PTPRD: variants seen among roughly 807,000 people sequenced by gnomAD.
The protein encoded by PTPRD is protein tyrosine phosphatase receptor type D, also known as receptor-type tyrosine-protein phosphatase delta.
Under a neutral mutation model 214.5 loss-of-function variants are expected in PTPRD, and 34 were observed. The ratio of observed to expected loss-of-function variants is 0.16; its 90% CI spans 0.12 to 0.21. PTPRD has a LOEUF of 0.21. Among genes scored for constraint, PTPRD ranks in the 10% least tolerant of loss-of-function variants. PTPRD has a pLI of 1.00. For missense variants in PTPRD, 2,545 were observed against 2,398.7 expected, an observed-to-expected ratio of 1.06 and a Z score of -1.27; for synonymous variants, 1,128 against 845.7, an observed-to-expected ratio of 1.33 and a Z score of -5.79.
chr9:10,451,646 G>C (rs1002803736), intron 2 of PTPRD, among the ~76,000 whole-genome samples: 1 of 151,492 alleles, frequency 6.6e-6, no homozygotes, highest in African/African-American at 2.4e-5. Flanking sequence ...ATCAGTGTGT[G>C]GCACAAAGCA....
At chr9:9,548,949 G>A (rs193055842) in intron 8 of PTPRD, among the ~76,000 whole-genome samples, 7 of 152,134 alleles carry the variant, frequency 4.6e-5, no homozygotes, top group Non-Finnish European at 7.4e-5. Flanking sequence ...CTCAGTAATT[G>A]ACAGGAAAAT....
rs535306212 is a variant in PTPRD at position 9,870,048 on chromosome 9, T to C, written c.-368+68459A>G. Among the ~76,000 whole-genome samples, 27 of 152,202 alleles carry C rather than the reference T, an allele frequency of 1.8e-4. 1 individual carries two copies. In the South Asian group the frequency reaches 5.4e-3, roughly 30 times the overall value. ...TGTTAGGGTAGGTCCTATTGAAGTATCTACAGGTACTTGATACATATATCT... is the reference window on the plus strand; with the variant it reads ...TGTTAGGGTAGGTCCTATTGAAGTACCTACAGGTACTTGATACATATATCT... On this transcript the variant is annotated intron_variant, in intron 5 of 45. Transcript: ENST00000381196.
intron 2 of PTPRD, among the ~76,000 whole-genome samples, chr9:10,379,682 A>G (rs1332767140): frequency 6.6e-6 from 1 of 152,068 alleles, no homozygotes; most frequent in East Asian, 1.9e-4. Flanking sequence ...CTTAAAAAGT[A>G]TAAGTAAAAA....
intron 2 of PTPRD, among the ~76,000 whole-genome samples, chr9:10,361,531 A>G (rs956596150): frequency 2.6e-5 from 4 of 152,176 alleles, no homozygotes; most frequent in African/African-American, 9.6e-5. Flanking sequence ...CCTGACCACA[A>G]GTAGCATGTA....
chr9:9,592,305 G>A (rs1409620), intron 7 of PTPRD, among the ~76,000 whole-genome samples: 7,582 of 151,854 alleles, frequency 0.05, 448 homozygotes, highest in African/African-American at 0.14. Context: ...AATCTATTGC[G>A]AAACAAATTC....
chr9:10,144,440 T>A (rs1207029710), intron 3 of PTPRD, among the ~76,000 whole-genome samples: 2 of 152,126 alleles, frequency 1.3e-5, no homozygotes, highest in Non-Finnish European at 2.9e-5. Context: ...TCTATTTCAG[T>A]ACCCAGGAAC....
intron 2 of PTPRD, among the ~76,000 whole-genome samples, chr9:10,596,015 C>A (rs925028757): frequency 6.6e-6 from 1 of 151,784 alleles, no homozygotes; most frequent in African/African-American, 2.4e-5. Context: ...CCTTTCAAAT[C>A]GTTTTTCTTC....
intron 39 of PTPRD, among the ~76,000 whole-genome samples, chr9:8,368,566 A>C (rs1168384058): frequency 6.6e-6 from 1 of 152,068 alleles, no homozygotes; most frequent in East Asian, 1.9e-4. Flanking sequence ...TTTTCAAATA[A>C]ATTCTGCATT....
chr9:9,224,242 T>A (rs567462987), intron 9 of PTPRD, among the ~76,000 whole-genome samples: 1 of 152,152 alleles, frequency 6.6e-6, no homozygotes, highest in South Asian at 2.1e-4. Context: ...TGACTCCTGC[T>A]TTAGTGAAGT....
chr9:9,495,933 T>TA lies in PTPRD; in HGVS notation c.-237+78798dup, dbSNP rs1589866495. 3.3e-5 allele frequency among the ~76,000 whole-genome samples: 5 copies of TA among 152,240 alleles called. No individual in the cohort carries two copies. The East Asian group carries it at 9.7e-4, about 30-fold the overall frequency. ...TAACACCCCTTGTGGGGCTTTGGGG[T>TA]AGCAGGCACCCCAACTTGGGTGCCA... On this transcript the variant is annotated intron_variant, in intron 8 of 45. Coordinates refer to ENST00000381196, the MANE Select transcript of PTPRD (RefSeq NM_002839.4).
At chr9:8,657,374 G>T (rs1256619132) in intron 12 of PTPRD, among the ~76,000 whole-genome samples, 1 of 151,826 alleles carries the variant, frequency 6.6e-6, no homozygotes, top group Admixed American at 6.6e-5. Flanking sequence ...TCACTATGTT[G>T]GCCAGGCTGG....
intron 2 of PTPRD, among the ~76,000 whole-genome samples, chr9:10,559,340 A>C (rs905466476): frequency 6.6e-6 from 1 of 152,138 alleles, no homozygotes; most frequent in Non-Finnish European, 1.5e-5. Flanking sequence ...CCATTAACCA[A>C]ATGTGATTAT....
At chr9:9,558,673 C>T (rs2154290312) in intron 8 of PTPRD, among the ~76,000 whole-genome samples, 1 of 152,314 alleles carries the variant, frequency 6.6e-6, no homozygotes, top group East Asian at 1.9e-4. Flanking sequence ...TGGTGATTAC[C>T]ATTCACACTG....
chr9:8,907,834 A>G (rs2098719608), intron 11 of PTPRD, among the ~76,000 whole-genome samples: 1 of 152,108 alleles, frequency 6.6e-6, no homozygotes, highest in Non-Finnish European at 1.5e-5. Flanking sequence ...GTGTATTAAT[A>G]TACATGTAAT....
chr9:8,988,025 C>T (rs1174851727), intron 11 of PTPRD, among the ~76,000 whole-genome samples: 1 of 151,102 alleles, frequency 6.6e-6, no homozygotes, highest in Non-Finnish European at 1.5e-5. Context: ...GAGAGAGAGG[C>T]CGGGGGAGAT....
At chr9:10,597,690 G>C (rs991660024) in intron 2 of PTPRD, among the ~76,000 whole-genome samples, 3 of 151,894 alleles carry the variant, frequency 2.0e-5, no homozygotes, top group Admixed American at 2.0e-4. Context: ...TCCACCAGAA[G>C]TCCCAGATTT....
chr9:8,772,260 G>A (rs534419168), intron 11 of PTPRD, among the ~76,000 whole-genome samples: 1 of 152,070 alleles, frequency 6.6e-6, no homozygotes, highest in East Asian at 1.9e-4. Context: ...GTAATGTCTT[G>A]TTGGCTATTA....
chr9:8,612,482 G>C (rs1196979951), intron 14 of PTPRD, among the ~76,000 whole-genome samples: 1 of 152,192 alleles, frequency 6.6e-6, no homozygotes, highest in African/African-American at 2.4e-5. Context: ...AATGGAGAAA[G>C]GAAGCTGTTC....
intron 9 of PTPRD, among the ~76,000 whole-genome samples, chr9:9,394,634 T>C (rs1168949626): frequency 6.6e-6 from 1 of 152,150 alleles, no homozygotes; most frequent in Non-Finnish European, 1.5e-5. Context: ...GCCTGGCAAA[T>C]AGTCATCACC....
Sources: gnomAD v4.1 joint callset for allele counts (sites outside exome capture counted in the v4.1 genomes callset) on GRCh38, gnomAD v4.1.1 for gene constraint, MANE v1.5 for transcripts, NCBI Gene and HGNC (gene_info 2026-07-23, HGNC 2026-07-21) for gene names.